Variants in NSMCE1 observed in about 807,000 individuals in gnomAD.
NSMCE1 encodes the protein NSE1 component of SMC5/6 complex, also known as non-structural maintenance of chromosomes element 1 homolog.
In NSMCE1, 18 loss-of-function variants were observed where a neutral mutation model predicts 29.6. The ratio of observed to expected loss-of-function variants is 0.61; its 90% CI spans 0.42 to 0.90. NSMCE1 has a LOEUF of 0.90. NSMCE1 is among the 40% of genes least tolerant of loss of function. The pLI, the probability that NSMCE1 is intolerant of heterozygous loss-of-function variation, is 0.00. For missense variants in NSMCE1, 314 were observed against 343.6 expected, an observed-to-expected ratio of 0.91 and a Z score of 0.68; for synonymous variants, 124 against 133.4, an observed-to-expected ratio of 0.93 and a Z score of 0.49.
At chr16:27,227,589 C>T (rs72782371) in intron 5 of NSMCE1, among the ~76,000 whole-genome samples, 4,480 of 152,268 alleles carry the variant, frequency 0.029, 97 homozygotes, top group Non-Finnish European at 0.044. Flanking sequence ...GCAAATGACA[C>T]GGGACCCAGG....
chr16:27,267,868 A>G (rs2084244401), intron 1 of NSMCE1, among the ~76,000 whole-genome samples: 1 of 151,830 alleles, frequency 6.6e-6, no homozygotes, highest in Non-Finnish European at 1.5e-5. Context: ...CAGCCTCCCG[A>G]GTAGCTGGGA....
At chr16:27,238,086 A>T (rs2083845950) in intron 2 of NSMCE1, among the ~76,000 whole-genome samples, 1 of 152,058 alleles carries the variant, frequency 6.6e-6, no homozygotes, top group South Asian at 2.1e-4. Context: ...CTTCTCTTAC[A>T]CTCAGCACCC....
intron 2 of NSMCE1, among the ~76,000 whole-genome samples, chr16:27,244,055 C>T (rs1382044527): frequency 2.6e-5 from 4 of 152,248 alleles, no homozygotes; most frequent in African/African-American, 9.6e-5. Context: ...GGTTAGCTGT[C>T]TCCACCTTGC....
intron 1 of NSMCE1, among the ~76,000 whole-genome samples, chr16:27,258,393 T>C (rs995979935): frequency 1.3e-5 from 2 of 152,292 alleles, no homozygotes; most frequent in Admixed American, 6.5e-5. Context: ...CAGATCTGCC[T>C]GATCCTAAGG....
chr16:27,225,438 A>G (rs948291207), intron 7 of NSMCE1, among the ~76,000 whole-genome samples: 3 of 152,226 alleles, frequency 2.0e-5, no homozygotes, highest in African/African-American at 7.2e-5. Context: ...AGCTGTGGAC[A>G]TAGCTTTCAC....
intron 1 of NSMCE1, among the ~76,000 whole-genome samples, chr16:27,264,907 T>G (rs2084204366): frequency 6.6e-6 from 1 of 152,124 alleles, no homozygotes; most frequent in Non-Finnish European, 1.5e-5. Flanking sequence ...TCAGACTATA[T>G]AAGGAATTCC....
intron 2 of NSMCE1, among the ~76,000 whole-genome samples, chr16:27,237,137 T>C (rs2083834661): frequency 1.3e-5 from 2 of 152,184 alleles, no homozygotes; most frequent in Admixed American, 1.3e-4. Context: ...TAATCTTCCC[T>C]TTCAGTTAAG....
chr16:27,227,866 A>G (rs1249853361), intron 5 of NSMCE1, among the ~76,000 whole-genome samples: 1 of 149,734 alleles, frequency 6.7e-6, no homozygotes, highest in Non-Finnish European at 1.5e-5. Flanking sequence ...GCTCAATGCA[A>G]CTTCCGCATC....
intron 1 of NSMCE1, among the ~76,000 whole-genome samples, chr16:27,263,859 A>G (rs564734060): frequency 6.6e-6 from 1 of 152,348 alleles, no homozygotes; most frequent in South Asian, 2.1e-4. Flanking sequence ...TGAAAAATGA[A>G]ATGTTGGCAG....
chr16:27,239,854 A>C (rs1370873575), intron 2 of NSMCE1, among the ~76,000 whole-genome samples: 1 of 152,236 alleles, frequency 6.6e-6, no homozygotes, highest in Non-Finnish European at 1.5e-5. Flanking sequence ...TACTTGGAAG[A>C]GGCAGGGTGT....
intron 1 of NSMCE1, among the ~76,000 whole-genome samples, chr16:27,261,864 T>A (rs2084161407): frequency 6.6e-6 from 1 of 152,252 alleles, no homozygotes; most frequent in South Asian, 2.1e-4. Flanking sequence ...TGACATATCA[T>A]CACTTAGGTT....
chr16:27,250,372 A>G (rs1288492248), intron 2 of NSMCE1, among the ~76,000 whole-genome samples: 1 of 152,206 alleles, frequency 6.6e-6, no homozygotes, highest in East Asian at 1.9e-4. Flanking sequence ...TGTTAGCTGT[A>G]GGTTTTACAG....
intron 2 of NSMCE1, among the ~76,000 whole-genome samples, chr16:27,240,084 G>A (rs1322465906): frequency 2.0e-5 from 3 of 152,134 alleles, no homozygotes; most frequent in East Asian, 1.9e-4. Context: ...CATAGTTTCC[G>A]TAACTTGGAA....
rs1279369682 is a variant in NSMCE1, at chr16:27,232,103, C to T, written c.483+898G>A. Among the ~76,000 whole-genome samples the T allele has an allele frequency of 2.6e-5, 4 of 152,152 alleles. No homozygotes were observed. Among genetic ancestry groups the T allele is most frequent in the African/African-American group, 7.2e-5 (3 of 41,442 alleles). ...AGAACACAGACTTCCCCAACCCAGACGCGAGCCTTCCTGAAAAGGAAGCGG... is the reference window on the plus strand; with the variant it reads ...AGAACACAGACTTCCCCAACCCAGATGCGAGCCTTCCTGAAAAGGAAGCGG... On this transcript the variant is annotated intron_variant, in intron 5 of 7. Transcript: ENST00000361439. This position sits in a 1 kb window ranked among gnomAD's most constrained non-coding sequence, Gnocchi z 4.5.
At chr16:27,226,226 A>G (rs2083689480) in intron 6 of NSMCE1, 1 of 214,928 alleles carries the variant, frequency 4.7e-6, no homozygotes, top group African/African-American at 2.3e-5. Context: ...CCAAGGAAAT[A>G]ATCACCAGGT....
chr16:27,238,377 G>A (rs1439053039), intron 2 of NSMCE1, among the ~76,000 whole-genome samples: 5 of 151,984 alleles, frequency 3.3e-5, no homozygotes, highest in Middle Eastern at 3.2e-3. Context: ...TCCCCAACCA[G>A]ATAAGCTGCA....
At position 27,233,121 on chromosome 16, in the gene NSMCE1, G is replaced by T; in HGVS notation, c.363C>A (p.Thr121=). ...ATATGTTTGTGGAAGACGCAAAGCCGGTTTCTGAGTCAATAATCAGTTCCA... is the reference window on the plus strand; with the variant it reads ...ATATGTTTGTGGAAGACGCAAAGCCTGTTTCTGAGTCAATAATCAGTTCCA... ...KALELIIDSE[T]GFASSTNILN... The change falls in exon 5 of 8, where the codon ACC becomes ACA. Residue 121 remains threonine (T), a synonymous_variant. Transcript: ENST00000361439. 1 of 1,613,776 alleles carries T rather than the reference G, an allele frequency of 6.2e-7. No homozygotes were observed. The highest frequency in any genetic ancestry group is 1.1e-5 in the South Asian group (1 of 90,932).
intron 5 of NSMCE1, among the ~76,000 whole-genome samples, chr16:27,227,920 G>A (rs1183547540): frequency 6.6e-6 from 1 of 151,900 alleles, no homozygotes; most frequent in Non-Finnish European, 1.5e-5. Flanking sequence ...TGAGTAGCTG[G>A]GATTACAGGC....
At chr16:27,252,978 G>T (rs536740809) in intron 2 of NSMCE1, among the ~76,000 whole-genome samples, 4 of 151,922 alleles carry the variant, frequency 2.6e-5, no homozygotes, top group African/African-American at 9.7e-5. Context: ...GAAGAGCTTC[G>T]GGTTATTAAA....
Sources: allele counts gnomAD v4.1 joint callset (sites outside exome capture counted in the v4.1 genomes callset), GRCh38; gene constraint gnomAD v4.1.1; non-coding constraint Gnocchi (gnomAD v3.1); transcripts MANE v1.5; gene names NCBI Gene and HGNC (gene_info 2026-07-23, HGNC 2026-07-21).